Variants in GPC6 observed in about 807,000 individuals in gnomAD.
GPC6 encodes the protein glypican 6, also known as glypican-6.
In GPC6, 14 loss-of-function variants were observed where a neutral mutation model predicts 55.2. That is an observed-to-expected ratio of 0.25 (90% CI 0.17 to 0.40). GPC6 has a LOEUF of 0.40. Among genes scored for constraint, GPC6 ranks in the 10% least tolerant of loss-of-function variants. GPC6 has a pLI of 1.00. For missense variants in GPC6, 641 were observed against 708.5 expected (o/e 0.90, Z 1.08); for synonymous variants, 278 against 259.6 (o/e 1.07, Z -0.68).
At chr13:93,792,115 A>G (rs1448266324) in intron 2 of GPC6, among the ~76,000 whole-genome samples, 2 of 152,240 alleles carry the variant, frequency 1.3e-5, no homozygotes, top group Non-Finnish European at 2.9e-5. Context: ...TGGAAATGCT[A>G]TTGAACCTGC....
intron 6 of GPC6, among the ~76,000 whole-genome samples, chr13:94,354,454 G>A (rs1878699466): frequency 6.6e-6 from 1 of 152,130 alleles, no homozygotes; most frequent in African/African-American, 2.4e-5. Context: ...ATGAGATACT[G>A]ATAAAATAAA....
chr13:94,381,022 T>C (rs183308941), intron 6 of GPC6, among the ~76,000 whole-genome samples: 205 of 152,326 alleles, frequency 1.3e-3, no homozygotes, highest in African/African-American at 4.6e-3. Context: ...AAGTGATGTG[T>C]CCATCTTGGG....
At chr13:94,372,912 C>A (rs892071435) in intron 6 of GPC6, among the ~76,000 whole-genome samples, 39 of 152,290 alleles carry the variant, frequency 2.6e-4, no homozygotes, top group Non-Finnish European at 5.4e-4. Context: ...GACCCCTGAC[C>A]CCCAAGCAGC....
chr13:94,343,566 A>G (rs551489416), intron 6 of GPC6, among the ~76,000 whole-genome samples: 2 of 152,374 alleles, frequency 1.3e-5, no homozygotes, highest in South Asian at 4.1e-4. Context: ...GTCGAAGAGC[A>G]TGAAATAGGG....
chr13:93,683,046 AAAAG>A (rs954056269), intron 2 of GPC6, among the ~76,000 whole-genome samples: 20 of 152,144 alleles, frequency 1.3e-4, no homozygotes, highest in South Asian at 8.3e-4. Context: ...AAAGAAAAAG[AAAAG>A]AAAGAAAGTC....
chr13:94,396,467 G>A (rs939136068), intron 7 of GPC6, among the ~76,000 whole-genome samples: 1 of 152,246 alleles, frequency 6.6e-6, no homozygotes, highest in African/African-American at 2.4e-5. Context: ...CCACAGAAGT[G>A]AGGCTGGATT....
intron 2 of GPC6, among the ~76,000 whole-genome samples, chr13:93,607,358 T>C (rs1407136034): frequency 6.6e-6 from 1 of 152,238 alleles, no homozygotes; most frequent in East Asian, 1.9e-4. Flanking sequence ...CTTATGATGC[T>C]GAGGCACTGT....
At chr13:93,330,878 C>T (rs1290656227) in intron 1 of GPC6, among the ~76,000 whole-genome samples, 1 of 152,148 alleles carries the variant, frequency 6.6e-6, no homozygotes, top group Non-Finnish European at 1.5e-5. Context: ...ATTTTGCATC[C>T]TAACATCATA....
rs114412757 is a variant in GPC6, at chr13:94,150,014, G to A, written c.877+122120G>A. Among the ~76,000 whole-genome samples the A allele has an allele frequency of 8.5e-3, 1,300 of 152,176 alleles. 22 individuals are homozygous for A. The highest frequency in any genetic ancestry group is 0.029 in the African/African-American group (1,223 of 41,522). The stretch of plus-strand genomic sequence containing the variant: ...AAGGTATAGGCCAGGATAACAGGAA[G>A]CACATGGAGTTTGGAGTCCCAAACA... On this transcript the variant is annotated intron_variant, in intron 4 of 8. Transcript: ENST00000377047.
At chr13:93,940,868 G>T (rs1393343208) in intron 3 of GPC6, among the ~76,000 whole-genome samples, 1 of 152,156 alleles carries the variant, frequency 6.6e-6, no homozygotes, top group Non-Finnish European at 1.5e-5. Context: ...GTTCATGGCG[G>T]GAGGGGTGGA....
At position 94,070,934 on chromosome 13, in the gene GPC6, G is replaced by A. The variant is rs145336598; in HGVS notation, c.877+43040G>A. Among the ~76,000 whole-genome samples, 189 of 152,306 alleles carry A rather than the reference G, an allele frequency of 1.2e-3. 1 individual carries two copies. The highest frequency in any genetic ancestry group is 2.2e-3 in the Admixed American group (34 of 15,298). On this transcript the variant is annotated intron_variant, in intron 4 of 8. Coordinates refer to ENST00000377047, the MANE Select transcript of GPC6 (RefSeq NM_005708.5). ...CAAAGGAAATCTAAAAACAGAATTG[G>A]TGTTTGGTTTAATTGATCCAGTAGA...
intron 2 of GPC6, among the ~76,000 whole-genome samples, chr13:93,704,579 T>G (rs1882782163): frequency 1.3e-5 from 2 of 151,968 alleles, no homozygotes; most frequent in East Asian, 3.9e-4. Context: ...CCATGTGTTC[T>G]CAGAATCCTA....
chr13:93,943,935 A>AT (rs1023025692), intron 3 of GPC6, among the ~76,000 whole-genome samples: 20 of 151,962 alleles, frequency 1.3e-4, no homozygotes, highest in East Asian at 1.2e-3. Context: ...ATGGTGCATG[A>AT]TTTTTTTTCT....
intron 1 of GPC6, among the ~76,000 whole-genome samples, chr13:93,458,443 C>A (rs948901429): frequency 4.6e-5 from 7 of 152,104 alleles, no homozygotes; most frequent in Admixed American, 2.0e-4. Context: ...CCTACCCCCC[C>A]ATATAAGTTC....
At chr13:94,373,447 T>A (rs1484473896) in intron 6 of GPC6, among the ~76,000 whole-genome samples, 1 of 152,080 alleles carries the variant, frequency 6.6e-6, no homozygotes, top group African/African-American at 2.4e-5. Flanking sequence ...TGAGATCAAT[T>A]GGAAGAAAGC....
chr13:93,832,517 T>C (rs959621014), intron 3 of GPC6, among the ~76,000 whole-genome samples: 2 of 152,098 alleles, frequency 1.3e-5, no homozygotes, highest in African/African-American at 4.8e-5. Context: ...TTTATTCTAA[T>C]TGAGTGTTAA....
At chr13:93,518,290 T>C (rs1357713548) in intron 1 of GPC6, among the ~76,000 whole-genome samples, 1 of 151,872 alleles carries the variant, frequency 6.6e-6, no homozygotes, top group Non-Finnish European at 1.5e-5. Context: ...AATTATTTTC[T>C]TTATGTGGAT....
chr13:93,691,756 A>G (rs1396646375), intron 2 of GPC6, among the ~76,000 whole-genome samples: 1 of 152,058 alleles, frequency 6.6e-6, no homozygotes, highest in African/African-American at 2.4e-5. Context: ...TGACTATGTT[A>G]TGATAAGTTA....
At chr13:94,180,772 G>A (rs9524359) in intron 4 of GPC6, among the ~76,000 whole-genome samples, 1 of 151,826 alleles carries the variant, frequency 6.6e-6, no homozygotes, top group Non-Finnish European at 1.5e-5. Context: ...GATTAATAGG[G>A]ACAAGTCATT....
Sources: gnomAD v4.1 joint callset for allele counts (sites outside exome capture counted in the v4.1 genomes callset) on GRCh38, gnomAD v4.1.1 for gene constraint, MANE v1.5 for transcripts, NCBI Gene and HGNC (gene_info 2026-07-23, HGNC 2026-07-21) for gene names.